The following TG variants were observed in gnomAD, a reference collection of about 807,000 sequenced individuals.
TG encodes the protein thyroglobulin, also known as thyroid hormones.
In TG, 270 loss-of-function variants were observed where a neutral mutation model predicts 324.7. That is an observed-to-expected ratio of 0.83 (90% confidence interval 0.75 to 0.92). TG has a LOEUF of 0.92. Ranked by LOEUF, TG falls within the 40% of genes least tolerant of loss-of-function variation. The pLI is 0.00. For missense variants in TG, 3,591 were observed against 3,456.4 expected (o/e 1.04, Z -0.98); for synonymous variants, 1,401 against 1,327.0 (o/e 1.06, Z -1.21).
Position 133,134,726 on chromosome 8 carries a change from G to A in TG, c.8239G>A (p.Ala2747Thr), listed in dbSNP as rs761512925. The stretch of plus-strand genomic sequence containing the variant: ...AGAGAGTGAAGAGGAGGAGTTGACG[G>A]CTGGATCTGGGCTAAGAGAAGATCT... The part of the protein sequence containing the change: ...SAESEEEELT[A>T]GSGLREDLLS... The change falls in exon 48 of 48, where the codon GCT becomes ACT. Residue 2747 changes from alanine (A) to threonine (T), a missense_variant. Coordinates refer to ENST00000220616, the MANE Select transcript of TG (RefSeq NM_003235.5). The A allele has an allele frequency of 2.5e-6, 4 of 1,613,992 alleles. No homozygotes were observed. Among genetic ancestry groups the A allele is most frequent in the African/African-American group, 2.7e-5 (2 of 74,896 alleles).
intron 44 of TG, among the ~76,000 whole-genome samples, chr8:133,114,828 A>G (rs1318696540): frequency 6.6e-6 from 1 of 152,134 alleles, no homozygotes; most frequent in African/African-American, 2.4e-5. Context: ...GGTGTTAGAG[A>G]CCCACTGCCC....
chr8:133,066,912 G>A (rs1255702477), intron 41 of TG, among the ~76,000 whole-genome samples: 2 of 152,182 alleles, frequency 1.3e-5, no homozygotes, highest in Admixed American at 6.5e-5. Context: ...GCTTGAGCAA[G>A]TACCTTCCTC....
chr8:132,943,407 G>A (rs1824748720), intron 26 of TG, among the ~76,000 whole-genome samples: 1 of 152,112 alleles, frequency 6.6e-6, no homozygotes, highest in Admixed American at 6.6e-5. Flanking sequence ...CCAGCACCAT[G>A]TTTCTTGTAC....
At chr8:133,125,645 C>T (rs143783021) in intron 45 of TG, among the ~76,000 whole-genome samples, 47 of 152,292 alleles carry the variant, frequency 3.1e-4, no homozygotes, top group African/African-American at 8.7e-4. Flanking sequence ...TCAGAGAGGA[C>T]GTGGAAGCCT....
chr8:132,901,266 G>A, intron 15 of TG, 87 bp from the exon 16 acceptor site: 1 of 1,514,956 alleles, frequency 6.6e-7, no homozygotes, highest in East Asian at 2.3e-5. Flanking sequence ...GGCTGAGGGT[G>A]GCCGTGGGTG....
At chr8:132,871,637 T>C in intron 4 of TG, 86 bp downstream of exon 4, 1 of 1,393,504 alleles carries the variant, frequency 7.2e-7, no homozygotes, top group South Asian at 1.3e-5. Context: ...TAGGGTTTCC[T>C]GCCGAAGTGG....
chr8:133,021,312 G>C (rs891117528), intron 39 of TG, among the ~76,000 whole-genome samples: 2 of 152,224 alleles, frequency 1.3e-5, no homozygotes, highest in Non-Finnish European at 2.9e-5. Flanking sequence ...CCAAGGGAAA[G>C]GGGACGCCAA....
chr8:133,004,137 C>T (rs34349286), intron 35 of TG, among the ~76,000 whole-genome samples: 45,309 of 151,972 alleles, frequency 0.3, 6,840 homozygotes, highest in Non-Finnish European at 0.32. Flanking sequence ...TGTTGCCCCT[C>T]TGCCCATGGA....
chr8:133,112,776 T>A (rs1473222201), intron 43 of TG, among the ~76,000 whole-genome samples: 1 of 152,150 alleles, frequency 6.6e-6, no homozygotes, highest in African/African-American at 2.4e-5. Flanking sequence ...GGCCTTATAT[T>A]TCTTTGTAGC....
intron 21 of TG, among the ~76,000 whole-genome samples, chr8:132,922,697 G>C (rs1411812133): frequency 6.6e-6 from 1 of 152,242 alleles, no homozygotes; most frequent in African/African-American, 2.4e-5. Context: ...CAAGTTGTCA[G>C]CAGATTTGGT....
chr8:133,000,243 A>T (rs1486933200), intron 35 of TG, among the ~76,000 whole-genome samples: 1 of 152,184 alleles, frequency 6.6e-6, no homozygotes. Flanking sequence ...CTGATTTATC[A>T]TGCTATGGCA....
chr8:133,095,434 G>T (rs939775697), intron 42 of TG, among the ~76,000 whole-genome samples: 16 of 152,174 alleles, frequency 1.1e-4, no homozygotes, highest in African/African-American at 3.6e-4. Flanking sequence ...TCTGCAATTT[G>T]TCTTTCTTAT....
chr8:133,020,011 CT>C (rs1225730634), intron 39 of TG, among the ~76,000 whole-genome samples: 1 of 152,166 alleles, frequency 6.6e-6, no homozygotes, highest in East Asian at 1.9e-4. Context: ...TTCACATCAA[CT>C]CTAGGAGGAT....
chr8:133,079,381 G>A (rs910030893), intron 41 of TG, among the ~76,000 whole-genome samples: 1 of 152,238 alleles, frequency 6.6e-6, no homozygotes, highest in African/African-American at 2.4e-5. Flanking sequence ...GTACTACGCT[G>A]TGGTCATCAC....
chr8:132,929,476 A>G (rs1239682479), intron 23 of TG, among the ~76,000 whole-genome samples: 8 of 152,192 alleles, frequency 5.3e-5, no homozygotes, highest in Admixed American at 5.2e-4. Flanking sequence ...CAGGATCTAT[A>G]TCTCCCTATT....
chr8:133,026,429 G>A (rs77241017), intron 40 of TG, among the ~76,000 whole-genome samples: 1,935 of 152,340 alleles, frequency 0.013, 46 homozygotes, highest in African/African-American at 0.044. Context: ...CAGTTGGAAA[G>A]GAAGCAGTTG....
intron 35 of TG, among the ~76,000 whole-genome samples, chr8:132,984,934 CAAAA>C (rs35473851): frequency 5.0e-5 from 7 of 140,468 alleles, no homozygotes; most frequent in Non-Finnish European, 6.2e-5. Flanking sequence ...GCCTCCATCT[CAAAA>C]AAAAAAAAAA....
At chr8:132,947,477 A>AG (rs981167612) in intron 26 of TG, among the ~76,000 whole-genome samples, 32 of 152,310 alleles carry the variant, frequency 2.1e-4, no homozygotes, top group African/African-American at 7.7e-4. Flanking sequence ...CCAGCAGAAG[A>AG]GAAAAGGACA....
At chr8:133,054,698 C>G (rs1441528420) in intron 41 of TG, among the ~76,000 whole-genome samples, 1 of 152,128 alleles carries the variant, frequency 6.6e-6, no homozygotes, top group Admixed American at 6.5e-5. Context: ...TTGGTGAGAA[C>G]AGAAGATGAA....
Sources: allele counts gnomAD v4.1 joint callset (sites outside exome capture counted in the v4.1 genomes callset), GRCh38; gene constraint gnomAD v4.1.1; transcripts MANE v1.5; gene names NCBI Gene and HGNC (gene_info 2026-07-23, HGNC 2026-07-21).